The following ZNF708 variants were observed in gnomAD, a reference collection of about 807,000 sequenced individuals.
ZNF708 encodes the protein zinc finger protein 708.
A neutral mutation model predicts 47.0 loss-of-function variants in ZNF708; 44 were observed. The ratio of observed to expected loss-of-function variants is 0.94; its 90% CI spans 0.74 to 1.20. ZNF708 has a LOEUF of 1.20. Among genes scored for constraint, ZNF708 ranks in the 50% most tolerant of loss-of-function variants. The probability of loss-of-function intolerance (pLI) is 0.00; values close to 1 mark genes in which losing one functional copy is unlikely to be tolerated. For missense variants in ZNF708, 557 were observed against 656.0 expected (o/e 0.85, Z 1.65); for synonymous variants, 184 against 218.5 (o/e 0.84, Z 1.39).
chr19:21,320,983 T>C (rs4438424), intron 1 of ZNF708, among the ~76,000 whole-genome samples: 1 of 151,398 alleles, frequency 6.6e-6, no homozygotes, highest in Non-Finnish European at 1.5e-5. Flanking sequence ...CTACTAAAAA[T>C]ACAAAAAATT....
chr19:21,313,122 C>CA (rs58696124), intron 1 of ZNF708, among the ~76,000 whole-genome samples: 120,006 of 134,256 alleles, frequency 0.89, 53,642 homozygotes, highest in Middle Eastern at 0.95. Flanking sequence ...ACTAAAAATA[C>CA]AAAAAAAAAA....
At chr19:21,323,816 G>A (rs767776327) in intron 1 of ZNF708, among the ~76,000 whole-genome samples, 21 of 152,114 alleles carry the variant, frequency 1.4e-4, no homozygotes, top group Non-Finnish European at 2.6e-4. Context: ...ATCTACAGAG[G>A]AGACTCCCCA....
intron 1 of ZNF708, among the ~76,000 whole-genome samples, chr19:21,322,541 A>G (rs1480307069): frequency 6.6e-6 from 1 of 152,020 alleles, no homozygotes; most frequent in African/African-American, 2.4e-5. Context: ...GAGCTCAGGC[A>G]ATCCACCCGC....
rs1972430082 is a variant in ZNF708, at chr19:21,293,205, G to A, written c.*69C>T. 3.3e-6 allele frequency: 5 copies of A among 1,524,432 alleles called. No homozygotes were observed. Among genetic ancestry groups the A allele is most frequent in the Non-Finnish European group, 4.5e-6 (5 of 1,119,654 alleles). The allele number at this position is 1,524,432 out of a possible 1,614,324, so 94.4% of individuals were successfully genotyped here. A position where few individuals can be genotyped will look rare whatever the true frequency, so the allele number is the denominator to read the frequency against. On this transcript the variant is annotated 3_prime_UTR_variant, in exon 4 of 4. Transcript: ENST00000356929. ...TTTGCCACATTTATCACATTTGTAG[G>A]ATTTCTCTCCAGTATGAATTATCTT...
At chr19:21,310,476 T>TAAAAA in intron 2 of ZNF708, 25 bp downstream of exon 2, 3 of 1,021,644 alleles carry the variant, frequency 2.9e-6, no homozygotes, top group Non-Finnish European at 3.8e-6. Flanking sequence ...TAATAAAAAT[T>TAAAAA]AAAAAAAAAA....
At chr19:21,310,763 AT>A (rs1972883048) in intron 1 of ZNF708, 136 bp from the exon 2 acceptor site, 3 of 617,274 alleles carry the variant, frequency 4.9e-6, no homozygotes, top group Admixed American at 7.1e-5. Flanking sequence ...CAATAAAATA[AT>A]TTTCAACACA....
intron 1 of ZNF708, chr19:21,318,825 C>CT (rs1231646824): frequency 6.8e-6 from 1 of 147,096 alleles, no homozygotes; most frequent in Non-Finnish European, 1.5e-5. Context: ...CATCACCTGT[C>CT]TATTTGTCCT....
intron 3 of ZNF708, among the ~76,000 whole-genome samples, chr19:21,296,167 TG>T (rs1188786377): frequency 6.6e-6 from 1 of 150,908 alleles, no homozygotes; most frequent in Non-Finnish European, 1.5e-5. Flanking sequence ...GTCAAAGTCC[TG>T]GGGAAAAAAA....
intron 3 of ZNF708, among the ~76,000 whole-genome samples, chr19:21,298,356 A>G (rs1972584219): frequency 6.6e-6 from 1 of 151,860 alleles, no homozygotes; most frequent in Non-Finnish European, 1.5e-5. Flanking sequence ...AAGATTATAA[A>G]ACAATAATTT....
rs562801168 is a variant in ZNF708 at position 21,302,577 on chromosome 19, T to A, written c.226+6669A>T. Among the ~76,000 whole-genome samples, 66 of 152,054 alleles carry A rather than the reference T, an allele frequency of 4.3e-4. 1 individual carries two copies. The highest frequency in any genetic ancestry group is 1.6e-3 in the African/African-American group (66 of 41,492). ...AGCTGGGTGTGGTGGCAGGTACCTG[T>A]AAGCCCAGGTACTTGGGAGGCTGAG... is the stretch of plus-strand genomic sequence containing the variant. On this transcript the variant is annotated intron_variant, in intron 3 of 3. Coordinates refer to ENST00000356929, the MANE Select transcript of ZNF708 (RefSeq NM_021269.3).
chr19:21,316,133 C>CTTTTTT (rs544312163), intron 1 of ZNF708, among the ~76,000 whole-genome samples: 3 of 105,490 alleles, frequency 2.8e-5, no homozygotes, highest in Admixed American at 1.3e-4. Context: ...TTTCTTTTTT[C>CTTTTTT]TTTTTTTTTT....
intron 3 of ZNF708, among the ~76,000 whole-genome samples, chr19:21,302,606 G>A (rs1189307293): frequency 6.6e-6 from 1 of 152,036 alleles, no homozygotes; most frequent in Non-Finnish European, 1.5e-5. Flanking sequence ...GGCTGAGGCA[G>A]GAGAATTGCT....
At chr19:21,304,155 G>A (rs1972714605) in intron 3 of ZNF708, among the ~76,000 whole-genome samples, 1 of 152,062 alleles carries the variant, frequency 6.6e-6, no homozygotes, top group South Asian at 2.1e-4. Context: ...TCTGTTTCTG[G>A]TGAGTAAGGG....
At chr19:21,306,835 C>G (rs572829236) in intron 3 of ZNF708, 1 of 151,628 alleles carries the variant, frequency 6.6e-6, no homozygotes, top group Non-Finnish European at 1.5e-5. Flanking sequence ...CCCAGTTACT[C>G]GGAAGGCTGA....
In ZNF708 at chr19:21,292,679, A is replaced by G. The variant is rs894556890; in HGVS notation, c.*595T>C. Reference sequence around the variant, plus strand: ...TACTTTAAAAGCTTATATTTTCTGAAATACTTTTTGACAGTAATTAAATTT... The same window carrying G: ...TACTTTAAAAGCTTATATTTTCTGAGATACTTTTTGACAGTAATTAAATTT... On this transcript the variant is annotated 3_prime_UTR_variant, in exon 4 of 4. Transcript: ENST00000356929. 2.6e-5 allele frequency: 4 copies of G among 152,648 alleles called. No individual in the cohort carries two copies. The highest frequency in any genetic ancestry group is 2.6e-4 in the Admixed American group (4 of 15,320). The allele number at this position is 152,648 out of a possible 1,614,324, so 9.5% of individuals were successfully genotyped here.
At chr19:21,309,799 T>G (rs1367176922) in intron 2 of ZNF708, among the ~76,000 whole-genome samples, 1 of 152,204 alleles carries the variant, frequency 6.6e-6, no homozygotes, top group African/African-American at 2.4e-5. Flanking sequence ...AAATACTAAC[T>G]TATAACAAAA....
In ZNF708 at chr19:21,300,447, G is replaced by A. The variant is rs564206188; in HGVS notation, c.227-5708C>T. ...CTTGAACCTGGGAGGCGGAGGTTGC[G>A]GTGAGCTGAGATCGCACCATTGCAC... On this transcript the variant is annotated intron_variant, in intron 3 of 3. Transcript: ENST00000356929. 3.7e-3 allele frequency among the ~76,000 whole-genome samples: 554 copies of A among 149,418 alleles called. 5 individuals carry two copies. The highest frequency in any genetic ancestry group is 0.013 in the African/African-American group (524 of 40,746).
intron 2 of ZNF708, among the ~76,000 whole-genome samples, 165 bp downstream of exon 2, chr19:21,310,336 G>A (rs1051957959): frequency 1.3e-5 from 2 of 150,902 alleles, no homozygotes; most frequent in Admixed American, 6.6e-5. Flanking sequence ...TCTCAGCTAC[G>A]CAGGAGGCTG....
At chr19:21,322,281 T>C (rs1263522366) in intron 1 of ZNF708, among the ~76,000 whole-genome samples, 1 of 151,636 alleles carries the variant, frequency 6.6e-6, no homozygotes, top group Admixed American at 6.6e-5. Flanking sequence ...TCAGAGCTCA[T>C]ATTCTTTTTT....
Sources: allele counts gnomAD v4.1 joint callset (sites outside exome capture counted in the v4.1 genomes callset), GRCh38; gene constraint gnomAD v4.1.1; transcripts MANE v1.5; gene names NCBI Gene and HGNC (gene_info 2026-07-23, HGNC 2026-07-21).